FUBP3: variants seen among roughly 807,000 people sequenced by gnomAD.
The protein encoded by FUBP3 is far upstream element binding protein 3.
In FUBP3, 28 loss-of-function variants were observed where a neutral mutation model predicts 85.6. The ratio of observed to expected loss-of-function variants is 0.33; its 90% CI spans 0.24 to 0.45. The LOEUF is 0.45. FUBP3 is among the 20% of genes least tolerant of loss of function. FUBP3 has a pLI of 1.00. For synonymous variants in FUBP3, 271 were observed against 271.4 expected, an observed-to-expected ratio of 1.00 and a Z score of 0.01; for missense variants, 583 against 755.1, an observed-to-expected ratio of 0.77 and a Z score of 2.67.
At position 130,579,588 on chromosome 9, in the gene FUBP3, A is replaced by G. The variant is rs1315558197; in HGVS notation, c.-93A>G. On this transcript the variant is annotated 5_prime_UTR_variant, in exon 1 of 19. Coordinates refer to ENST00000319725, the MANE Select transcript of FUBP3 (RefSeq NM_003934.2). ...GTAGGGCGACTTTCCTTTTCCGGCT[A>G]CGGGTCCCCAAGCGGAGCGGGAGGC... 2 of 769,324 alleles carry G rather than the reference A, an allele frequency of 2.6e-6. No individual in the cohort carries two copies. Among genetic ancestry groups the G allele is most frequent in the African/African-American group, 3.6e-5 (2 of 55,214 alleles). The allele number at this position is 769,324 out of a possible 1,614,324, so 47.7% of individuals were successfully genotyped here.
chr9:130,593,331 T>A (rs1236226786), intron 1 of FUBP3, among the ~76,000 whole-genome samples: 1 of 152,236 alleles, frequency 6.6e-6, no homozygotes, highest in African/African-American at 2.4e-5. Flanking sequence ...CTGGTAGTTC[T>A]CCTTCACCAC....
chr9:130,634,415 C>T (rs1830336298), intron 16 of FUBP3, among the ~76,000 whole-genome samples: 1 of 152,234 alleles, frequency 6.6e-6, no homozygotes, highest in African/African-American at 2.4e-5. Flanking sequence ...GTCAAGCTTG[C>T]GTCTCCATCT....
chr9:130,595,086 C>T (rs1284711537), intron 1 of FUBP3, among the ~76,000 whole-genome samples: 1 of 151,822 alleles, frequency 6.6e-6, no homozygotes, highest in East Asian at 1.9e-4. Flanking sequence ...ATTAGCTGGG[C>T]GTGGTGGCGC....
chr9:130,610,373 T>G (rs1831676895), intron 3 of FUBP3, among the ~76,000 whole-genome samples: 1 of 152,186 alleles, frequency 6.6e-6, no homozygotes, highest in Non-Finnish European at 1.5e-5. Context: ...GGTCAGACAC[T>G]CACAAGAGAA....
chr9:130,607,425 G>C (rs775288867), intron 2 of FUBP3, among the ~76,000 whole-genome samples: 8 of 152,166 alleles, frequency 5.3e-5, no homozygotes, highest in Non-Finnish European at 1.0e-4. Context: ...TGTATATGCT[G>C]GAATTGCTCC....
At chr9:130,599,302 TATATAC>T (rs975236094) in intron 2 of FUBP3, among the ~76,000 whole-genome samples, 24 of 151,914 alleles carry the variant, frequency 1.6e-4, no homozygotes, top group Admixed American at 5.9e-4. Flanking sequence ...AAAAAATACA[TATATAC>T]ATATATAGAT....
intron 2 of FUBP3, among the ~76,000 whole-genome samples, chr9:130,597,603 T>C (rs1249884161): frequency 2.0e-5 from 3 of 152,218 alleles, no homozygotes; most frequent in African/African-American, 7.2e-5. Context: ...TCACATTCTT[T>C]GTCTCTTAAG....
intron 12 of FUBP3, among the ~76,000 whole-genome samples, chr9:130,629,011 C>T (rs1830104574): frequency 6.6e-6 from 1 of 152,226 alleles, no homozygotes; most frequent in African/African-American, 2.4e-5. Context: ...TCAGGTGATC[C>T]ACTCGCCTTG....
intron 2 of FUBP3, among the ~76,000 whole-genome samples, 165 bp downstream of exon 2, chr9:130,595,753 T>G (rs7853223): frequency 0.017 from 2,623 of 152,312 alleles, 69 homozygotes; most frequent in African/African-American, 0.059. Context: ...TCTTCAGCAT[T>G]TGAGTTCCTA....
At chr9:130,631,847 T>C in intron 14 of FUBP3, 95 bp from the exon 15 acceptor site, 1 of 964,880 alleles carries the variant, frequency 1.0e-6, no homozygotes, top group Non-Finnish European at 1.7e-6. Context: ...GGGTCTTCTG[T>C]CCCGACTGCC....
chr9:130,593,212 A>G (rs1350074902), intron 1 of FUBP3, among the ~76,000 whole-genome samples: 1 of 152,176 alleles, frequency 6.6e-6, no homozygotes, highest in East Asian at 1.9e-4. Flanking sequence ...TCTGTGTGAC[A>G]TTATCTTCTC....
At chr9:130,623,968 G>C (rs926556780) in intron 11 of FUBP3, among the ~76,000 whole-genome samples, 4 of 152,148 alleles carry the variant, frequency 2.6e-5, no homozygotes, top group African/African-American at 9.7e-5. Context: ...AAACCATGTG[G>C]GGAAATACCA....
intron 9 of FUBP3, 100 bp downstream of exon 9, chr9:130,620,558 T>G (rs1829704813): frequency 1.7e-6 from 1 of 578,542 alleles, no homozygotes; most frequent in Non-Finnish European, 3.0e-6. Flanking sequence ...TAGTTAAGTT[T>G]TGTCTCAAAA....
chr9:130,584,097 G>A (rs1285289563), intron 1 of FUBP3, among the ~76,000 whole-genome samples: 1 of 152,062 alleles, frequency 6.6e-6, no homozygotes, highest in Non-Finnish European at 1.5e-5. Flanking sequence ...GGTTTCTTCT[G>A]AAGTACCAGT....
rs1346418231 is a variant in FUBP3, at chr9:130,636,049, A to G, written c.1633A>G (p.Met545Val). 1.2e-5 allele frequency: 19 copies of G among 1,613,626 alleles called. No homozygotes were observed. The Admixed American group carries it at 2.2e-4, about 18-fold the overall frequency. The change falls in exon 18 of 19, where the codon ATG (methionine) becomes GTG (valine). Residue 545 changes from methionine (M) to valine (V), a missense_variant. Physicochemically the swap from Met to Val is conservative, Grantham distance 21. Around this residue, in one of 3 missense-constraint regions of FUBP3, gnomAD observed 404 missense variants for 516.8 expected, o/e 0.78. Transcript: ENST00000319725. Reference sequence around the variant, plus strand: ...GGCCAGCTCCCCACCGGACTACACAATGGCCTGGGCAGAATATTACAGACA... The same window carrying G: ...GGCCAGCTCCCCACCGGACTACACAGTGGCCTGGGCAGAATATTACAGACA... ...PQASSPPDYT[M>V]AWAEYYRQQV...
intron 12 of FUBP3, among the ~76,000 whole-genome samples, chr9:130,629,423 C>CGTCTT (rs1564224571): frequency 1.3e-5 from 2 of 152,266 alleles, no homozygotes; most frequent in Non-Finnish European, 2.9e-5. Flanking sequence ...TGTCTCCCGG[C>CGTCTT]GTCTTTTCTC....
intron 1 of FUBP3, among the ~76,000 whole-genome samples, chr9:130,580,147 C>T (rs962165948): frequency 5.6e-4 from 85 of 152,200 alleles, no homozygotes; most frequent in African/African-American, 2.1e-3. Context: ...AGCTGTCTGA[C>T]GCCCAGTAGC....
intron 2 of FUBP3, among the ~76,000 whole-genome samples, chr9:130,604,913 AAAG>A (rs1390397903): frequency 1.4e-4 from 19 of 132,158 alleles, no homozygotes; most frequent in African/African-American, 2.5e-4. Flanking sequence ...AAAAAAAAAA[AAAG>A]AAAGAAATAC....
rs1830383935 is a variant in FUBP3, at chr9:130,635,547, G to A, written c.1583-452G>A. The stretch of plus-strand genomic sequence containing the variant: ...GTTGAGTCATGGTCACCAGAGTGCT[G>A]TAAGCTCAGCTGCCCAGTCTTCCCC... On this transcript the variant is annotated intron_variant, in intron 17 of 18. Transcript: ENST00000319725. This position sits in a 1 kb window ranked among gnomAD's most constrained non-coding sequence, Gnocchi z 4.3. Among the ~76,000 whole-genome samples, 1 of 152,102 alleles carries A rather than the reference G, an allele frequency of 6.6e-6. No individual in the cohort carries two copies. Among genetic ancestry groups the A allele is most frequent in the African/African-American group, 2.4e-5 (1 of 41,414 alleles).
Sources: gnomAD v4.1 joint callset for allele counts (sites outside exome capture counted in the v4.1 genomes callset) on GRCh38, gnomAD v4.1.1 for gene constraint, gnomAD v4.1.1 regional missense constraint, Gnocchi (gnomAD v3.1) non-coding constraint, MANE v1.5 for transcripts, NCBI Gene and HGNC (gene_info 2026-07-23, HGNC 2026-07-21) for gene names.